The following KAT6B variants were observed in gnomAD, a reference collection of about 807,000 sequenced individuals.
The protein encoded by KAT6B is lysine acetyltransferase 6B.
In KAT6B, 10 loss-of-function variants were observed where a neutral mutation model predicts 187.5. The ratio of observed to expected loss-of-function variants is 0.05; its 90% CI spans 0.03 to 0.09. KAT6B has a LOEUF of 0.09. Ranked by LOEUF, KAT6B falls within the 10% of genes least tolerant of loss-of-function variation. The pLI is 1.00. For synonymous variants in KAT6B, 861 were observed against 926.8 expected, an observed-to-expected ratio of 0.93 and a Z score of 1.29; for missense variants, 1,952 against 2,558.9, an observed-to-expected ratio of 0.76 and a Z score of 5.12.
chr10:75,031,345 G>C lies in KAT6B; in HGVS notation c.*299G>C. On this transcript the variant is annotated 3_prime_UTR_variant, in exon 18 of 18. Coordinates refer to ENST00000287239, the MANE Select transcript of KAT6B (RefSeq NM_012330.4). ...TTGGAGGCAGCCACTTGTTGTGCCT[G>C]CTTCTGTTAAACAATGTGGATATCA... 1 of 445,430 alleles carries C rather than the reference G, an allele frequency of 2.2e-6. No individual in the cohort carries two copies. Among genetic ancestry groups the C allele is most frequent in the Non-Finnish European group, 4.1e-6 (1 of 244,648 alleles). 27.6% of individuals were successfully genotyped at this position (445,430 alleles called of 1,614,324 possible).
At chr10:74,853,544 T>C (rs1842625614) in intron 3 of KAT6B, among the ~76,000 whole-genome samples, 1 of 151,742 alleles carries the variant, frequency 6.6e-6, no homozygotes, top group African/African-American at 2.4e-5. Flanking sequence ...TTCACACACC[T>C]CGGCCTCCCA....
At chr10:74,845,138 G>C (rs190751655) in intron 3 of KAT6B, among the ~76,000 whole-genome samples, 1 of 151,670 alleles carries the variant, frequency 6.6e-6, no homozygotes, top group African/African-American at 2.4e-5. Context: ...AGGATCACTT[G>C]AGCATGGGAG....
At chr10:74,945,067 C>T (rs1839850910) in intron 3 of KAT6B, among the ~76,000 whole-genome samples, 2 of 152,150 alleles carry the variant, frequency 1.3e-5, no homozygotes. Context: ...AAAAGACTTG[C>T]ATGAATGTTC....
chr10:74,830,753 TATATATATATATATA>T (rs1190319359), intron 1 of KAT6B, among the ~76,000 whole-genome samples: 5 of 29,374 alleles, frequency 1.7e-4, no homozygotes, highest in African/African-American at 2.1e-4. Flanking sequence ...TATATATATA[TATATATATATATATA>T]TTTTTTTTTT....
At chr10:74,973,480 A>G (rs569758491) in intron 7 of KAT6B, among the ~76,000 whole-genome samples, 14 of 152,308 alleles carry the variant, frequency 9.2e-5, no homozygotes, top group African/African-American at 3.4e-4. Context: ...GGCTTAGTGA[A>G]AGGGTCATTG....
chr10:74,914,976 TGTA>T (rs1403830001), intron 3 of KAT6B, among the ~76,000 whole-genome samples: 1 of 152,030 alleles, frequency 6.6e-6, no homozygotes, highest in Non-Finnish European at 1.5e-5. Context: ...GGCCCACACT[TGTA>T]GTCCCAGCTA....
At chr10:75,026,803 C>T (rs1380538358) in intron 17 of KAT6B, among the ~76,000 whole-genome samples, 2 of 151,984 alleles carry the variant, frequency 1.3e-5, no homozygotes, top group Non-Finnish European at 2.9e-5. Flanking sequence ...GGGAGGTGTT[C>T]CAACAAAAGC....
chr10:74,919,943 G>T (rs1847988998), intron 3 of KAT6B, among the ~76,000 whole-genome samples: 1 of 151,986 alleles, frequency 6.6e-6, no homozygotes, highest in Non-Finnish European at 1.5e-5. Context: ...ATTTAGTTTG[G>T]TTTTTATCTC....
At chr10:74,935,612 T>A (rs1849212616) in intron 3 of KAT6B, among the ~76,000 whole-genome samples, 1 of 152,316 alleles carries the variant, frequency 6.6e-6, no homozygotes, top group East Asian at 1.9e-4. Context: ...CAAAAATACA[T>A]CTTTTTAAAT....
chr10:74,882,582 C>A (rs1844927969), intron 3 of KAT6B, among the ~76,000 whole-genome samples: 1 of 152,198 alleles, frequency 6.6e-6, no homozygotes, highest in Admixed American at 6.5e-5. Flanking sequence ...ACTTTTTCTA[C>A]ATGGGCCACG....
chr10:74,972,609 G>A lies in KAT6B; in HGVS notation c.1031G>A (p.Arg344Gln). 6.2e-7 allele frequency: 1 copy of A among 1,613,182 alleles called. No individual in the cohort carries two copies. Among genetic ancestry groups the A allele is most frequent in the Non-Finnish European group, 8.5e-7 (1 of 1,179,408 alleles). ...CGACGATATGCAAAACCCATTGGAC[G>A]ACCGAAAAATAAATTAAAGCAACGA... ...IKRRYAKPIG[R>Q]PKNKLKQRLL... The change falls in exon 7 of 18, where the codon CGA becomes CAA. Residue 344 changes from arginine (R) to glutamine (Q), a missense_variant. Around this residue, in one of 9 missense-constraint regions of KAT6B, gnomAD observed 417 missense variants for 508.9 expected, o/e 0.82. Transcript: ENST00000287239.
intron 1 of KAT6B, among the ~76,000 whole-genome samples, chr10:74,828,944 CAT>C (rs927746699): frequency 2.7e-5 from 4 of 150,514 alleles, no homozygotes; most frequent in Non-Finnish European, 4.4e-5. Flanking sequence ...GGATAATGCA[CAT>C]GTTTTTTCTT....
intron 3 of KAT6B, among the ~76,000 whole-genome samples, chr10:74,933,679 T>C (rs574888449): frequency 3.3e-5 from 5 of 152,334 alleles, no homozygotes; most frequent in Admixed American, 1.3e-4. Context: ...TATGCTCATA[T>C]GTTAGCCATT....
intron 3 of KAT6B, among the ~76,000 whole-genome samples, chr10:74,876,567 T>C (rs1844427275): frequency 6.6e-6 from 1 of 152,028 alleles, no homozygotes; most frequent in Non-Finnish European, 1.5e-5. Flanking sequence ...GGGAGAAAAA[T>C]AATGAAGAGC....
chr10:74,903,197 A>G (rs1346758054), intron 3 of KAT6B, among the ~76,000 whole-genome samples: 1 of 152,162 alleles, frequency 6.6e-6, no homozygotes, highest in Non-Finnish European at 1.5e-5. Context: ...TCGGATTGCC[A>G]TGGTCCAGTG....
intron 3 of KAT6B, among the ~76,000 whole-genome samples, chr10:74,885,935 G>A (rs1019480726): frequency 6.6e-6 from 1 of 152,150 alleles, no homozygotes; most frequent in African/African-American, 2.4e-5. Flanking sequence ...GTTTCACCAT[G>A]TTGGCCAGGA....
intron 3 of KAT6B, among the ~76,000 whole-genome samples, chr10:74,943,645 A>G (rs1399856284): frequency 1.3e-5 from 2 of 152,156 alleles, no homozygotes; most frequent in Non-Finnish European, 2.9e-5. Flanking sequence ...ACACAAAAAT[A>G]TACTAAAAAT....
chr10:74,835,286 T>C (rs1841204384), intron 1 of KAT6B, among the ~76,000 whole-genome samples: 1 of 152,186 alleles, frequency 6.6e-6, no homozygotes, highest in Non-Finnish European at 1.5e-5. Flanking sequence ...TCAGTTTCAG[T>C]CCCATCCATC....
rs187507656 is a variant in KAT6B, at chr10:74,966,354, T to A, written c.731-3306T>A. The stretch of plus-strand genomic sequence containing the variant: ...CTCTAGGTCGGTACCCCTAGTCACT[T>A]CTGCAGAGTTCTTTTTGCTACAACA... On this transcript the variant is annotated intron_variant, in intron 4 of 17. Coordinates refer to ENST00000287239, the MANE Select transcript of KAT6B (RefSeq NM_012330.4). 1.2e-3 allele frequency among the ~76,000 whole-genome samples: 189 copies of A among 152,322 alleles called. 1 individual carries two copies. The highest frequency in any genetic ancestry group is 4.4e-3 in the African/African-American group (182 of 41,578).
Sources: gnomAD v4.1 joint callset for allele counts (sites outside exome capture counted in the v4.1 genomes callset) on GRCh38, gnomAD v4.1.1 for gene constraint, gnomAD v4.1.1 regional missense constraint, MANE v1.5 for transcripts, NCBI Gene and HGNC (gene_info 2026-07-23, HGNC 2026-07-21) for gene names.